SLC25A21: variants seen among roughly 807,000 people sequenced by gnomAD.
The protein encoded by SLC25A21 is mitochondrial 2-oxodicarboxylate carrier.
A neutral mutation model predicts 43.8 loss-of-function variants in SLC25A21; 47 were observed. That is an observed-to-expected ratio of 1.07 (90% CI 0.85 to 1.37). SLC25A21 has a LOEUF of 1.37. SLC25A21 is among the 40% of genes most tolerant of loss of function. The probability of loss-of-function intolerance (pLI) is 0.00; values close to 1 mark genes in which losing one functional copy is unlikely to be tolerated. For synonymous variants in SLC25A21, 131 were observed against 121.3 expected (o/e 1.08, Z -0.52); for missense variants, 352 against 350.2 (o/e 1.00, Z -0.04).
intron 1 of SLC25A21, among the ~76,000 whole-genome samples, chr14:36,902,926 A>G (rs1891434086): frequency 6.6e-6 from 1 of 152,156 alleles, no homozygotes. Flanking sequence ...TTGAGGCTAC[A>G]GTGAGCCATG....
At position 37,065,903 on chromosome 14, in the gene SLC25A21, CTA is replaced by C. The variant is rs142512933; in HGVS notation, c.70+106376_70+106377del. Among the ~76,000 whole-genome samples, 363 of 152,228 alleles carry C rather than the reference CTA, an allele frequency of 2.4e-3. 2 individuals are homozygous for C. The highest frequency in any genetic ancestry group is 8.3e-3 in the African/African-American group (346 of 41,542). Reference sequence around the variant, plus strand: ...CACTCTTTTGAATTGAGAAATAAAACTAATTTGAAACGAATGGTTTTTACAAT... The same window carrying C: ...CACTCTTTTGAATTGAGAAATAAAACATTTGAAACGAATGGTTTTTACAAT... On this transcript the variant is annotated intron_variant, in intron 1 of 9. Transcript: ENST00000331299.
At chr14:36,962,530 C>T (rs73254288) in intron 1 of SLC25A21, among the ~76,000 whole-genome samples, 1,762 of 152,250 alleles carry the variant, frequency 0.012, 44 homozygotes, top group African/African-American at 0.039. Context: ...CTGTTCCATT[C>T]TCTATCTCTC....
chr14:37,070,954 C>T (rs1055774255), intron 1 of SLC25A21, among the ~76,000 whole-genome samples: 2 of 152,156 alleles, frequency 1.3e-5, no homozygotes, highest in Admixed American at 1.3e-4. Context: ...GGGGGAAGGA[C>T]TCATCACACA....
intron 1 of SLC25A21, among the ~76,000 whole-genome samples, chr14:36,910,381 G>A (rs1891654363): frequency 6.6e-6 from 1 of 152,130 alleles, no homozygotes; most frequent in South Asian, 2.1e-4. Flanking sequence ...GTGTTAAAGC[G>A]ATGGGAGATG....
At chr14:37,073,839 T>C (rs1024227212) in intron 1 of SLC25A21, among the ~76,000 whole-genome samples, 4 of 152,298 alleles carry the variant, frequency 2.6e-5, no homozygotes, top group Admixed American at 6.5e-5. Flanking sequence ...TGCTCCTTGA[T>C]TGATCAAGGA....
intron 1 of SLC25A21, among the ~76,000 whole-genome samples, chr14:36,970,085 T>C (rs1279712749): frequency 1.3e-5 from 2 of 152,092 alleles, no homozygotes; most frequent in Admixed American, 6.5e-5. Context: ...TCCTTAGACA[T>C]GAAAGTCTCA....
At chr14:36,702,404 C>T (rs533580131) in intron 7 of SLC25A21, among the ~76,000 whole-genome samples, 1 of 139,356 alleles carries the variant, frequency 7.2e-6, no homozygotes, top group Non-Finnish European at 1.5e-5. Flanking sequence ...TTTGGTAGGC[C>T]GAGGCAGGAG....
intron 3 of SLC25A21, among the ~76,000 whole-genome samples, chr14:36,736,311 T>C (rs1885038378): frequency 6.6e-6 from 1 of 152,192 alleles, no homozygotes; most frequent in Admixed American, 6.5e-5. Flanking sequence ...TTTGGAGAGC[T>C]ATGGCAATTC....
At chr14:36,804,976 T>C (rs535390883) in intron 3 of SLC25A21, among the ~76,000 whole-genome samples, 3 of 152,308 alleles carry the variant, frequency 2.0e-5, no homozygotes, top group South Asian at 2.1e-4. Flanking sequence ...CCTAAAAATA[T>C]TTCCAGTGGG....
At chr14:36,770,330 G>A (rs1486706610) in intron 3 of SLC25A21, among the ~76,000 whole-genome samples, 1 of 152,106 alleles carries the variant, frequency 6.6e-6, no homozygotes, top group Non-Finnish European at 1.5e-5. Flanking sequence ...AGTACTCATG[G>A]ACATAAAGAT....
At chr14:36,936,254 G>C (rs535780840) in intron 1 of SLC25A21, among the ~76,000 whole-genome samples, 14 of 152,242 alleles carry the variant, frequency 9.2e-5, no homozygotes, top group Admixed American at 4.6e-4. Flanking sequence ...CTGACAGTAA[G>C]GAATGGGCTT....
chr14:37,069,218 T>C (rs1228281702), intron 1 of SLC25A21, among the ~76,000 whole-genome samples: 1 of 152,150 alleles, frequency 6.6e-6, no homozygotes, highest in African/African-American at 2.4e-5. Context: ...TTATTACTGT[T>C]TATGACACTG....
At position 36,680,434 on chromosome 14, in the gene SLC25A21, T is replaced by C. The variant is rs1164042794; in HGVS notation, c.*224A>G. On this transcript the variant is annotated 3_prime_UTR_variant, in exon 10 of 10. Coordinates refer to ENST00000331299, the MANE Select transcript of SLC25A21 (RefSeq NM_030631.4). ...TTTTTCTATATTCACTTTAAATACC[T>C]CATTGTTTCATATTATTTTTTTCTT... 1.7e-6 allele frequency: 2 copies of C among 1,164,918 alleles called. No individual in the cohort carries two copies. Among genetic ancestry groups the C allele is most frequent in the Admixed American group, 8.8e-5 (2 of 22,732 alleles). The allele number at this position is 1,164,918 out of a possible 1,614,324, so 72.2% of individuals were successfully genotyped here. A position where few individuals can be genotyped will look rare whatever the true frequency, so the allele number is the denominator to read the frequency against.
chr14:36,956,702 C>T (rs35251136), intron 1 of SLC25A21, among the ~76,000 whole-genome samples: 54,476 of 151,714 alleles, frequency 0.36, 9,895 homozygotes, highest in South Asian at 0.46. Flanking sequence ...CTCTAAGAAT[C>T]TCTGCAGAAT....
At chr14:36,926,599 T>G (rs999121508) in intron 1 of SLC25A21, among the ~76,000 whole-genome samples, 2 of 152,032 alleles carry the variant, frequency 1.3e-5, no homozygotes, top group Non-Finnish European at 2.9e-5. Flanking sequence ...ACAACACTGG[T>G]GATGAAACTC....
chr14:37,114,997 G>GA (rs1323430213), intron 1 of SLC25A21, among the ~76,000 whole-genome samples: 4 of 152,126 alleles, frequency 2.6e-5, no homozygotes, highest in Admixed American at 6.5e-5. Context: ...TGGCTCCAAG[G>GA]AGACTGAAAT....
chr14:36,723,545 TA>T (rs1455228523), intron 6 of SLC25A21, among the ~76,000 whole-genome samples: 1 of 152,182 alleles, frequency 6.6e-6, no homozygotes, highest in Non-Finnish European at 1.5e-5. Flanking sequence ...GCCCCTGCTT[TA>T]AAAAATGGCT....
intron 8 of SLC25A21, among the ~76,000 whole-genome samples, chr14:36,684,211 C>T (rs913082162): frequency 6.6e-6 from 1 of 152,114 alleles, no homozygotes; most frequent in Non-Finnish European, 1.5e-5. Context: ...TAAAAGACCA[C>T]AAACTCAGTC....
chr14:37,142,305 G>A (rs746071330), intron 1 of SLC25A21, among the ~76,000 whole-genome samples: 1 of 152,180 alleles, frequency 6.6e-6, no homozygotes, highest in Non-Finnish European at 1.5e-5. Flanking sequence ...TCCAACTCCA[G>A]AGTGGTAGCT....
Sources: gnomAD v4.1 joint callset for allele counts (sites outside exome capture counted in the v4.1 genomes callset) on GRCh38, gnomAD v4.1.1 for gene constraint, MANE v1.5 for transcripts, NCBI Gene and HGNC (gene_info 2026-07-23, HGNC 2026-07-21) for gene names.